Variants in GABRG3 observed in about 807,000 individuals in gnomAD.
GABRG3 encodes the protein gamma-aminobutyric acid receptor subunit gamma-3.
Under a neutral mutation model 48.8 loss-of-function variants are expected in GABRG3, and 25 were observed. That is an observed-to-expected ratio of 0.51 (90% CI 0.37 to 0.72). The LOEUF (loss-of-function observed/expected upper bound fraction) is 0.72. GABRG3 is among the 30% of genes least tolerant of loss of function. The pLI, the probability that GABRG3 is intolerant of heterozygous loss-of-function variation, is 0.00. For synonymous variants in GABRG3, 227 were observed against 217.6 expected (o/e 1.04, Z -0.38); for missense variants, 394 against 577.9 (o/e 0.68, Z 3.26).
intron 3 of GABRG3, among the ~76,000 whole-genome samples, chr15:27,314,103 A>G (rs1010830002): frequency 5.3e-5 from 8 of 152,178 alleles, no homozygotes; most frequent in Admixed American, 1.3e-4. Context: ...CTCGATAATG[A>G]AAATCAGAAA....
chr15:27,239,390 C>T (rs542060181), intron 3 of GABRG3, among the ~76,000 whole-genome samples: 1 of 152,190 alleles, frequency 6.6e-6, no homozygotes, highest in Non-Finnish European at 1.5e-5. Flanking sequence ...TATTTTGATT[C>T]TGACAATCAC....
intron 5 of GABRG3, among the ~76,000 whole-genome samples, chr15:27,390,859 C>T (rs939097188): frequency 5.9e-5 from 9 of 152,030 alleles, no homozygotes; most frequent in South Asian, 2.1e-4. Flanking sequence ...GAGGACGTGG[C>T]GGGTGGATCA....
At chr15:27,234,319 T>C (rs916458653) in intron 3 of GABRG3, among the ~76,000 whole-genome samples, 4 of 152,206 alleles carry the variant, frequency 2.6e-5, no homozygotes, top group Admixed American at 6.5e-5. Flanking sequence ...ACATGTAGCT[T>C]TGGGCCCTTC....
chr15:27,408,615 G>A (rs1325934184), intron 5 of GABRG3, among the ~76,000 whole-genome samples: 1 of 152,162 alleles, frequency 6.6e-6, no homozygotes, highest in African/African-American at 2.4e-5. Flanking sequence ...TGAGGGCCGC[G>A]GGTCTGCCAT....
chr15:27,236,586 GC>G lies in GABRG3; in HGVS notation c.271-90221del, dbSNP rs1889973969. On this transcript the variant is annotated intron_variant, in intron 3 of 9. Transcript: ENST00000615808. This position sits in a 1 kb window ranked among gnomAD's most constrained non-coding sequence, Gnocchi z 4.4. ...TCACCTGAGGCCAGGATCAGACTCCGCCTCCCTCTTTACAGCCTCAGCGTGA... is the reference window on the plus strand; with the variant it reads ...TCACCTGAGGCCAGGATCAGACTCCGCTCCCTCTTTACAGCCTCAGCGTGA... Among the ~76,000 whole-genome samples, 1 of 152,076 alleles carries G rather than the reference GC, an allele frequency of 6.6e-6. No individual in the cohort carries two copies. Among genetic ancestry groups the G allele is most frequent in the South Asian group, 2.1e-4 (1 of 4,816 alleles).
At chr15:27,193,670 C>T (rs1888404404) in intron 3 of GABRG3, among the ~76,000 whole-genome samples, 1 of 152,246 alleles carries the variant, frequency 6.6e-6, no homozygotes, top group African/African-American at 2.4e-5. Flanking sequence ...CCTTGCACTT[C>T]CCGAGTGAGG....
At chr15:27,238,322 A>G (rs2376832) in intron 3 of GABRG3, among the ~76,000 whole-genome samples, 49,419 of 152,200 alleles carry the variant, frequency 0.32, 12,362 homozygotes, top group African/African-American at 0.69. Flanking sequence ...CCCACCGGCC[A>G]GAGGAGCAAA....
Position 27,316,373 on chromosome 15 carries a change from G to C in GABRG3, c.271-10436G>C, listed in dbSNP as rs7496681. 6.4e-3 allele frequency among the ~76,000 whole-genome samples: 875 copies of C among 137,492 alleles called. 12 individuals are homozygous for C. The highest frequency in any genetic ancestry group is 0.024 in the African/African-American group (839 of 35,414). 90.2% of individuals were successfully genotyped at this position (137,492 alleles called of 152,430 possible). A position where few individuals can be genotyped will look rare whatever the true frequency, so the allele number is the denominator to read the frequency against. ...ACTGCACTCCAGCCTGGGCGACAGA[G>C]CGAGACTCCGTCTCAAAAAAAAAAA... On this transcript the variant is annotated intron_variant, in intron 3 of 9. Coordinates refer to ENST00000615808, the MANE Select transcript of GABRG3 (RefSeq NM_033223.5).
intron 5 of GABRG3, among the ~76,000 whole-genome samples, chr15:27,473,736 G>A (rs189760321): frequency 6.6e-6 from 1 of 152,224 alleles, no homozygotes; most frequent in African/African-American, 2.4e-5. Context: ...CTAGAACTGT[G>A]ATTTCTCTGC....
intron 5 of GABRG3, among the ~76,000 whole-genome samples, chr15:27,471,492 C>T (rs1889786559): frequency 6.6e-6 from 1 of 152,176 alleles, no homozygotes; most frequent in Admixed American, 6.5e-5. Context: ...TTCATAAAGG[C>T]AGTTTAGTTT....
Position 27,540,826 on chromosome 15 carries a change from T to A in GABRG3, c.*7945T>A, listed in dbSNP as rs1891647648. On this transcript the variant is annotated 3_prime_UTR_variant, in exon 10 of 10. Transcript: ENST00000615808. ...GAGGCCATCTTGTGTTTACATGCAGTGGTCTGTGTATTTGTGTCTGTACGT... is the reference window on the plus strand; with the variant it reads ...GAGGCCATCTTGTGTTTACATGCAGAGGTCTGTGTATTTGTGTCTGTACGT... 6.6e-6 allele frequency: 1 copy of A among 152,176 alleles called. No individual in the cohort carries two copies. The highest frequency in any genetic ancestry group is 1.5e-5 in the Non-Finnish European group (1 of 68,036). The allele number at this position is 152,176 out of a possible 1,614,324, so 9.4% of individuals were successfully genotyped here. A position where few individuals can be genotyped will look rare whatever the true frequency, so the allele number is the denominator to read the frequency against.
intron 3 of GABRG3, among the ~76,000 whole-genome samples, chr15:27,217,806 G>T (rs967726896): frequency 6.6e-6 from 1 of 152,216 alleles, no homozygotes; most frequent in East Asian, 1.9e-4. Context: ...GCAAGGTCAC[G>T]TGTGGGCACA....
chr15:27,063,237 A>G (rs1896681514), intron 3 of GABRG3, among the ~76,000 whole-genome samples: 2 of 152,254 alleles, frequency 1.3e-5, no homozygotes, highest in South Asian at 4.1e-4. Flanking sequence ...CCTCAGGGAC[A>G]CACAGGAGTG....
At chr15:26,986,836 G>A (rs928275070) in intron 2 of GABRG3, among the ~76,000 whole-genome samples, 18 of 152,078 alleles carry the variant, frequency 1.2e-4, no homozygotes, top group African/African-American at 3.9e-4. Context: ...TGAGCAATGT[G>A]GATTAGAAAG....
At chr15:27,351,071 GTA>G (rs1156237577) in intron 5 of GABRG3, among the ~76,000 whole-genome samples, 3 of 148,322 alleles carry the variant, frequency 2.0e-5, no homozygotes, top group African/African-American at 5.0e-5. Context: ...TGTGTGTATG[GTA>G]TGTGTGTGTA....
chr15:27,056,644 T>C (rs756986207), intron 3 of GABRG3, among the ~76,000 whole-genome samples: 3 of 152,124 alleles, frequency 2.0e-5, no homozygotes, highest in Non-Finnish European at 4.4e-5. Context: ...CTGCTGTTGG[T>C]GCTCCAAGCT....
intron 6 of GABRG3, among the ~76,000 whole-genome samples, chr15:27,503,163 C>A (rs1890683525): frequency 6.6e-6 from 1 of 152,176 alleles, no homozygotes; most frequent in Non-Finnish European, 1.5e-5. Flanking sequence ...TAGAGGCTGC[C>A]AGCCATCAGT....
Position 27,179,929 on chromosome 15 carries a change from A to T in GABRG3, c.271-146880A>T, listed in dbSNP as rs1887872235. On this transcript the variant is annotated intron_variant, in intron 3 of 9. Transcript: ENST00000615808. The surrounding 1 kb of genome is among the most constrained non-coding windows in gnomAD (Gnocchi z 4.0). ...AGATTGTTCTCTTGATTCACAGTTC[A>T]TCGCCTCCTAGATGAGGCTGGGCGT... Among the ~76,000 whole-genome samples the T allele has an allele frequency of 6.6e-6, 1 of 152,212 alleles. No individual in the cohort carries two copies. The highest frequency in any genetic ancestry group is 6.5e-5 in the Admixed American group (1 of 15,284).
At chr15:27,399,544 T>C (rs892873313) in intron 5 of GABRG3, among the ~76,000 whole-genome samples, 3 of 152,218 alleles carry the variant, frequency 2.0e-5, no homozygotes, top group Non-Finnish European at 4.4e-5. Flanking sequence ...CCAATTAATA[T>C]ATCAAAAGGC....
Sources: gnomAD v4.1 joint callset for allele counts (sites outside exome capture counted in the v4.1 genomes callset) on GRCh38, gnomAD v4.1.1 for gene constraint, Gnocchi (gnomAD v3.1) non-coding constraint, MANE v1.5 for transcripts, NCBI Gene and HGNC (gene_info 2026-07-23, HGNC 2026-07-21) for gene names.